Variants in COL15A1 observed in about 807,000 individuals in gnomAD.
COL15A1 encodes collagen type XV alpha 1 chain, also known as collagen alpha-1(XV) chain.
A neutral mutation model predicts 165.9 loss-of-function variants in COL15A1; 111 were observed. The observed-to-expected ratio is 0.67, with a 90% CI of 0.57 to 0.78. The LOEUF is 0.78. Ranked by LOEUF, COL15A1 falls within the 30% of genes least tolerant of loss-of-function variation. COL15A1 has a pLI of 0.00. For synonymous variants in COL15A1, 659 were observed against 674.8 expected (o/e 0.98, Z 0.36); for missense variants, 1,745 against 1,789.7 (o/e 0.98, Z 0.45).
At chr9:99,044,399 T>C (rs528253448) in intron 24 of COL15A1, among the ~76,000 whole-genome samples, 169 bp from the exon 25 acceptor site, 1 of 152,138 alleles carries the variant, frequency 6.6e-6, no homozygotes, top group African/African-American at 2.4e-5. Context: ...TACGAGGTAA[T>C]TTTGGAGCAG....
intron 24 of COL15A1, among the ~76,000 whole-genome samples, chr9:99,043,334 C>T (rs1839443644): frequency 6.6e-6 from 1 of 152,124 alleles, no homozygotes; most frequent in Admixed American, 6.6e-5. Flanking sequence ...GGCTGGCCAG[C>T]TCAGGCTTGG....
At chr9:99,021,699 A>T (rs1839029815) in intron 12 of COL15A1, among the ~76,000 whole-genome samples, 1 of 152,188 alleles carries the variant, frequency 6.6e-6, no homozygotes, top group Non-Finnish European at 1.5e-5. Context: ...GTTCCTGTAA[A>T]GGTCACACGC....
chr9:99,057,741 A>C (rs1340333699), intron 35 of COL15A1, among the ~76,000 whole-genome samples: 1 of 152,198 alleles, frequency 6.6e-6, no homozygotes, highest in African/African-American at 2.4e-5. Flanking sequence ...AGACAATAAT[A>C]GCAGCAATAA....
At chr9:99,054,762 C>T in intron 32 of COL15A1, 106 bp downstream of exon 32, 3 of 1,250,138 alleles carry the variant, frequency 2.4e-6, no homozygotes, top group South Asian at 1.5e-5. Context: ...TGACATTCCA[C>T]CCTGACCACA....
chr9:98,957,935 T>C (rs1837802629), intron 2 of COL15A1, among the ~76,000 whole-genome samples: 1 of 152,236 alleles, frequency 6.6e-6, no homozygotes, highest in African/African-American at 2.4e-5. Flanking sequence ...ACAGGCACCA[T>C]CACACCTGGC....
intron 2 of COL15A1, 107 bp downstream of exon 2, chr9:98,944,357 A>C: frequency 5.3e-6 from 6 of 1,139,210 alleles, no homozygotes; most frequent in Non-Finnish European, 7.6e-6. Flanking sequence ...CTGGACATAA[A>C]AGGGAGTCTT....
chr9:99,031,562 G>A (rs1016808342), intron 16 of COL15A1, among the ~76,000 whole-genome samples: 3 of 152,168 alleles, frequency 2.0e-5, no homozygotes, highest in African/African-American at 2.4e-5. Flanking sequence ...TTGCGGACAC[G>A]TCATGGCCTC....
intron 9 of COL15A1, among the ~76,000 whole-genome samples, chr9:99,014,515 T>G (rs1838897587): frequency 6.6e-6 from 1 of 152,200 alleles, no homozygotes; most frequent in South Asian, 2.1e-4. Flanking sequence ...TCCTATTGGT[T>G]TGAACCATAA....
At chr9:99,010,340 T>TG (rs1393658064) in intron 9 of COL15A1, among the ~76,000 whole-genome samples, 1 of 152,186 alleles carries the variant, frequency 6.6e-6, no homozygotes, top group Non-Finnish European at 1.5e-5. Context: ...ACTGAACAAA[T>TG]GGGGGCAAAT....
rs779150801 is a variant in COL15A1, at chr9:98,986,010, C to G, written c.546C>G (p.His182Gln). Reference sequence around the variant, plus strand: ...CCCTCCTCGTGAACTGTGAGGAGCACAGCCGCATCCCCTTCCAGCGGTCCT... The same window carrying G: ...CCCTCCTCGTGAACTGTGAGGAGCAGAGCCGCATCCCCTTCCAGCGGTCCT... ...EVTLLVNCEE[H>Q]SRIPFQRSSQ... Residue 182 changes from histidine (H) to glutamine (Q), a missense_variant, in exon 3 of 42, where the codon CAC (histidine) becomes CAG (glutamine). Transcript: ENST00000375001. 8 of 1,614,028 alleles carry G rather than the reference C, an allele frequency of 5.0e-6. No homozygotes were observed. The highest frequency in any genetic ancestry group is 5.1e-6 in the Non-Finnish European group (6 of 1,180,038).
At chr9:99,035,205 C>T (rs777033755) in intron 18 of COL15A1, 51 bp downstream of exon 18, 2 of 1,576,426 alleles carry the variant, frequency 1.3e-6, no homozygotes, top group Non-Finnish European at 1.7e-6. Flanking sequence ...CTAAGGGCTA[C>T]TAGAAAGACC....
intron 2 of COL15A1, among the ~76,000 whole-genome samples, chr9:98,958,123 G>A (rs950895449): frequency 6.6e-6 from 1 of 152,264 alleles, no homozygotes; most frequent in African/African-American, 2.4e-5. Flanking sequence ...GGACATGGTG[G>A]AGACTCTCCC....
At chr9:98,992,838 G>A (rs2118912873) in intron 5 of COL15A1, among the ~76,000 whole-genome samples, 1 of 152,274 alleles carries the variant, frequency 6.6e-6, no homozygotes, top group South Asian at 2.1e-4. Context: ...ACCCTCCCCA[G>A]GACCATGGCA....
intron 22 of COL15A1, among the ~76,000 whole-genome samples, chr9:99,039,945 G>A (rs183820828): frequency 6.6e-6 from 1 of 152,244 alleles, no homozygotes; most frequent in East Asian, 1.9e-4. Context: ...CAGATCCAGG[G>A]GAAAATCTAG....
chr9:98,980,701 C>T (rs976573283), intron 2 of COL15A1, among the ~76,000 whole-genome samples: 29 of 152,140 alleles, frequency 1.9e-4, no homozygotes, highest in African/African-American at 6.8e-4. Flanking sequence ...GCTCTTTTGT[C>T]GAGGAGGGGT....
At chr9:98,950,898 T>C (rs1837676858) in intron 2 of COL15A1, among the ~76,000 whole-genome samples, 1 of 152,170 alleles carries the variant, frequency 6.6e-6, no homozygotes, top group Non-Finnish European at 1.5e-5. Flanking sequence ...CCACTGTGCC[T>C]GGCCTATTTG....
chr9:99,051,126 G>A (rs1287998735), intron 30 of COL15A1, among the ~76,000 whole-genome samples: 2 of 152,194 alleles, frequency 1.3e-5, no homozygotes, highest in African/African-American at 4.8e-5. Context: ...ACAGCCCAGA[G>A]AAGCAAAAGG....
At chr9:98,950,569 T>A (rs1837667963) in intron 2 of COL15A1, among the ~76,000 whole-genome samples, 1 of 103,118 alleles carries the variant, frequency 9.7e-6, no homozygotes, top group Non-Finnish European at 2.0e-5. Flanking sequence ...CCTTCCTTCC[T>A]TCCTTCCTTC....
intron 11 of COL15A1, among the ~76,000 whole-genome samples, chr9:99,018,150 C>T (rs563775697): frequency 6.6e-5 from 10 of 152,308 alleles, no homozygotes; most frequent in South Asian, 2.1e-4. Flanking sequence ...GGGGTTCCTT[C>T]GTATTATCTA....
Sources: gnomAD v4.1 joint callset for allele counts (sites outside exome capture counted in the v4.1 genomes callset) on GRCh38, gnomAD v4.1.1 for gene constraint, MANE v1.5 for transcripts, NCBI Gene and HGNC (gene_info 2026-07-23, HGNC 2026-07-21) for gene names.